The following NBEA variants were observed in gnomAD, a reference collection of about 807,000 sequenced individuals.
The protein encoded by NBEA is neurobeachin, also known as lysosomal-trafficking regulator 2.
Under a neutral mutation model 343.4 loss-of-function variants are expected in NBEA, and 44 were observed. The observed-to-expected ratio is 0.13, with a 90% confidence interval of 0.10 to 0.16. The LOEUF is 0.16. NBEA is among the 10% of genes least tolerant of loss of function. The pLI is 1.00. For synonymous variants in NBEA, 1,175 were observed against 1,238.7 expected, an observed-to-expected ratio of 0.95 and a Z score of 1.08; for missense variants, 2,555 against 3,631.3, an observed-to-expected ratio of 0.70 and a Z score of 7.62.
At chr13:35,291,641 T>C (rs970348468) in intron 35 of NBEA, among the ~76,000 whole-genome samples, 2 of 151,954 alleles carry the variant, frequency 1.3e-5, no homozygotes, top group African/African-American at 4.8e-5. Context: ...AATGCGTTTA[T>C]GGAAAAATAG....
chr13:35,367,964 G>T (rs147455347), intron 38 of NBEA, among the ~76,000 whole-genome samples: 1 of 151,450 alleles, frequency 6.6e-6, no homozygotes, highest in African/African-American at 2.4e-5. Context: ...AATTAAGTCC[G>T]CAATAACTGA....
chr13:35,443,347 C>T (rs756760284), intron 39 of NBEA, among the ~76,000 whole-genome samples: 1 of 151,930 alleles, frequency 6.6e-6, no homozygotes, highest in Non-Finnish European at 1.5e-5. Flanking sequence ...TACTGATCCA[C>T]GTAAGGAATA....
Position 35,530,955 on chromosome 13 carries a change from T to TGACAGAGTTTTCTGACAGA in NBEA, c.6586-19521_6586-19520insACAGAGTTTTCTGACAGAG, listed in dbSNP as rs2078234796. Among the ~76,000 whole-genome samples the TGACAGAGTTTTCTGACAGA allele has an allele frequency of 6.6e-5, 10 of 152,358 alleles. No homozygotes were observed. In the South Asian group the frequency reaches 2.1e-3, roughly 32 times the overall value. On this transcript the variant is annotated intron_variant, in intron 41 of 58. Transcript: ENST00000379939. ...TAGGAAGCTGACAGAGTTTTCTGCCTGTGTTCATAGGCTTCGACGTCAGAA... is the reference window on the plus strand; with the variant it reads ...TAGGAAGCTGACAGAGTTTTCTGCCTGACAGAGTTTTCTGACAGAGTGTTCATAGGCTTCGACGTCAGAA...
At chr13:35,584,106 A>G (rs2153038445) in intron 46 of NBEA, 68 bp downstream of exon 46, 2 of 1,378,810 alleles carry the variant, frequency 1.5e-6, no homozygotes, top group East Asian at 4.6e-5. Flanking sequence ...AATTAAATAA[A>G]AATCAAATCA....
chr13:35,186,774 T>G (rs1420442115), intron 30 of NBEA: 3 of 152,124 alleles, frequency 2.0e-5, no homozygotes, highest in Non-Finnish European at 4.4e-5. Context: ...AAATTTTTTG[T>G]TTAGTTATGT....
Position 35,243,731 on chromosome 13 carries a change from A to C in NBEA, c.5776+11112A>C, listed in dbSNP as rs572379673. Among the ~76,000 whole-genome samples, 5 of 152,024 alleles carry C rather than the reference A, an allele frequency of 3.3e-5. No individual in the cohort carries two copies. The East Asian group carries it at 9.7e-4, about 29-fold the overall frequency. On this transcript the variant is annotated intron_variant, in intron 34 of 58. Transcript: ENST00000379939. Reference sequence around the variant, plus strand: ...AACTATAAATTTATATGTACCAAACATGAGAGTTCCTAAGTGTAAGAAGCA... The same window carrying C: ...AACTATAAATTTATATGTACCAAACCTGAGAGTTCCTAAGTGTAAGAAGCA...
chr13:35,412,585 G>A (rs909681476), intron 38 of NBEA, among the ~76,000 whole-genome samples: 1 of 152,080 alleles, frequency 6.6e-6, no homozygotes, highest in Admixed American at 6.6e-5. Context: ...TATTTAGTCT[G>A]TGGCTTGGCT....
chr13:34,992,473 C>G (rs2060795833), intron 1 of NBEA, among the ~76,000 whole-genome samples: 1 of 151,324 alleles, frequency 6.6e-6, no homozygotes, highest in Non-Finnish European at 1.5e-5. Context: ...ACAGGCTGGT[C>G]TTGAACTCCT....
At chr13:35,667,620 G>T in intron 57 of NBEA, 50 bp downstream of exon 57, 1 of 1,477,502 alleles carries the variant, frequency 6.8e-7, no homozygotes, top group Non-Finnish European at 9.4e-7. Context: ...AGAGATTAAA[G>T]ATTGATTGTT....
At chr13:35,327,703 ATT>A (rs2038661657) in intron 36 of NBEA, among the ~76,000 whole-genome samples, 3 of 151,900 alleles carry the variant, frequency 2.0e-5, no homozygotes, top group Admixed American at 1.3e-4. Context: ...GATGGGATCT[ATT>A]GTACCCCAAA....
chr13:35,432,108 ATG>A (rs1453368704), intron 38 of NBEA, among the ~76,000 whole-genome samples, 159 bp from the exon 39 acceptor site: 2 of 151,892 alleles, frequency 1.3e-5, no homozygotes, highest in African/African-American at 4.8e-5. Flanking sequence ...ATATATATAT[ATG>A]TATATATATA....
intron 36 of NBEA, among the ~76,000 whole-genome samples, chr13:35,322,478 G>A (rs969449591): frequency 6.6e-6 from 1 of 152,108 alleles, no homozygotes; most frequent in African/African-American, 2.4e-5. Flanking sequence ...CCAATGAGAT[G>A]AGCTGGGTAC....
intron 8 of NBEA, 127 bp downstream of exon 8, chr13:35,058,990 A>G (rs1180832068): frequency 3.4e-5 from 25 of 739,778 alleles, no homozygotes; most frequent in Non-Finnish European, 4.3e-5. Flanking sequence ...AATGTAGTCA[A>G]GTTTTATTAT....
At chr13:35,351,050 C>T (rs1193725082) in intron 37 of NBEA, among the ~76,000 whole-genome samples, 1 of 151,808 alleles carries the variant, frequency 6.6e-6, no homozygotes, top group African/African-American at 2.4e-5. Flanking sequence ...TGGTGATTCC[C>T]TGTACAAAAA....
At chr13:35,090,209 G>C (rs1463212821) in intron 10 of NBEA, among the ~76,000 whole-genome samples, 1 of 151,778 alleles carries the variant, frequency 6.6e-6, no homozygotes, top group East Asian at 1.9e-4. Flanking sequence ...AGTTTCTTCA[G>C]CAATCTAAGG....
rs762162642 is a variant in NBEA, at chr13:35,177,011, G to A, written c.4570G>A (p.Val1524Ile). ...ATTTTCAAAGACTCCATTGGAAAAT[G>A]TTCCAGGTAACCTTTCTCCTATTAA... The part of the protein sequence containing the change: ...TAASKTPLEN[V>I]PGNLSPIKDP... The change falls in exon 28 of 59, where the codon GTT (valine) becomes ATT (isoleucine). Residue 1524 changes from valine to isoleucine, a missense_variant. Val to Ile is a conservative substitution (Grantham distance 29, BLOSUM62 3). Coordinates refer to ENST00000379939, the MANE Select transcript of NBEA (RefSeq NM_001385012.1). 4 of 1,594,188 alleles carry A rather than the reference G, an allele frequency of 2.5e-6. 1 individual carries two copies. Among genetic ancestry groups the A allele is most frequent in the Non-Finnish European group, 1.7e-6 (2 of 1,167,504 alleles).
intron 30 of NBEA, among the ~76,000 whole-genome samples, chr13:35,191,962 A>C (rs933913806): frequency 9.2e-5 from 14 of 152,042 alleles, no homozygotes; most frequent in African/African-American, 3.4e-4. Flanking sequence ...ATTTTTCTCA[A>C]AATGTATTAG....
At chr13:34,954,546 C>T (rs79421154) in intron 1 of NBEA, among the ~76,000 whole-genome samples, 1,892 of 152,222 alleles carry the variant, frequency 0.012, 47 homozygotes, top group African/African-American at 0.043. Context: ...CTTGCTTTAA[C>T]ATTTCAGTTT....
chr13:35,642,289 T>TA (rs2083999359), intron 49 of NBEA, among the ~76,000 whole-genome samples: 1 of 152,196 alleles, frequency 6.6e-6, no homozygotes, highest in South Asian at 2.1e-4. Flanking sequence ...TAATGTGTCT[T>TA]ACAATCAATC....
Sources: gnomAD v4.1 joint callset for allele counts (sites outside exome capture counted in the v4.1 genomes callset) on GRCh38, gnomAD v4.1.1 for gene constraint, MANE v1.5 for transcripts, NCBI Gene and HGNC (gene_info 2026-07-23, HGNC 2026-07-21) for gene names.